Variants in HERC3 observed in about 807,000 individuals in gnomAD.
HERC3 encodes the protein probable E3 ubiquitin-protein ligase HERC3.
Under a neutral mutation model 129.9 loss-of-function variants are expected in HERC3, and 58 were observed. The ratio of observed to expected loss-of-function variants is 0.45; its 90% CI spans 0.36 to 0.56. The LOEUF (loss-of-function observed/expected upper bound fraction) is 0.56. Among genes scored for constraint, HERC3 ranks in the 20% least tolerant of loss-of-function variants. HERC3 has a pLI of 0.00. For missense variants in HERC3, 835 were observed against 1,244.2 expected, an observed-to-expected ratio of 0.67 and a Z score of 4.95; for synonymous variants, 430 against 451.0, an observed-to-expected ratio of 0.95 and a Z score of 0.59.
At chr4:88,600,134 T>C (rs1358168666) in intron 2 of HERC3, among the ~76,000 whole-genome samples, 1 of 152,180 alleles carries the variant, frequency 6.6e-6, no homozygotes, top group Non-Finnish European at 1.5e-5. Context: ...AATCAGGTCT[T>C]ATCTGCTGTT....
chr4:88,671,361 A>G (rs1433018282), intron 16 of HERC3, among the ~76,000 whole-genome samples: 1 of 152,194 alleles, frequency 6.6e-6, no homozygotes, highest in Non-Finnish European at 1.5e-5. Flanking sequence ...TCCAAAAGCA[A>G]GACATTTAAA....
chr4:88,628,727 T>C (rs1290751712), intron 3 of HERC3, among the ~76,000 whole-genome samples: 3 of 152,242 alleles, frequency 2.0e-5, no homozygotes, highest in African/African-American at 7.2e-5. Flanking sequence ...TCTATAGCGA[T>C]ATTGTTTGTA....
At chr4:88,612,395 T>C (rs115961694) in intron 3 of HERC3, among the ~76,000 whole-genome samples, 1 of 151,966 alleles carries the variant, frequency 6.6e-6, no homozygotes, top group African/African-American at 2.4e-5. Flanking sequence ...CCCAGATATT[T>C]TCCCAGTGTG....
chr4:88,581,454 T>C, the HERC3 span, among the ~76,000 whole-genome samples: 1 of 144,268 alleles, frequency 6.9e-6, no homozygotes, highest in East Asian at 2.0e-4. Context: ...CCCGCGACCA[T>C]GCCTGGCTAA....
chr4:88,607,533 G>T (rs1723799440), intron 3 of HERC3, among the ~76,000 whole-genome samples: 1 of 151,994 alleles, frequency 6.6e-6, no homozygotes, highest in East Asian at 1.9e-4. Flanking sequence ...GTGCCATCTT[G>T]AGTCACCGCA....
chr4:88,693,159 G>A (rs565643910), intron 23 of HERC3: 85 of 985,056 alleles, frequency 8.6e-5, no homozygotes, highest in Non-Finnish European at 1.0e-4. Context: ...TGAATATTTG[G>A]CTTGTTTGTA....
chr4:88,648,913 T>A (rs1007904153), intron 3 of HERC3, among the ~76,000 whole-genome samples: 10 of 152,090 alleles, frequency 6.6e-5, no homozygotes, highest in South Asian at 6.2e-4. Context: ...TTTTTTTTTT[T>A]AAATTTATGC....
At chr4:88,704,721 G>A (rs189424896) in intron 25 of HERC3, 111 bp downstream of exon 25, 2 of 684,922 alleles carry the variant, frequency 2.9e-6, no homozygotes, top group East Asian at 5.4e-5. Flanking sequence ...GTAAAGACCA[G>A]GTAATTCACT....
chr4:88,604,441 ACT>A (rs1723392785), intron 2 of HERC3, among the ~76,000 whole-genome samples: 1 of 152,054 alleles, frequency 6.6e-6, no homozygotes, highest in Non-Finnish European at 1.5e-5. Flanking sequence ...AGGTACAGTC[ACT>A]CTCCATTCTC....
At chr4:88,639,897 A>C (rs74604922) in intron 3 of HERC3, among the ~76,000 whole-genome samples, 5,992 of 152,056 alleles carry the variant, frequency 0.039, 342 homozygotes, top group East Asian at 0.26. Flanking sequence ...GAAAAAAAAA[A>C]CCCCTTCATA....
At chr4:88,685,508 A>G (rs1733328839) in intron 21 of HERC3, among the ~76,000 whole-genome samples, 1 of 152,194 alleles carries the variant, frequency 6.6e-6, no homozygotes, top group Admixed American at 6.5e-5. Flanking sequence ...CAGAAAACCA[A>G]ACACCGCATG....
chr4:88,588,149 A>G (rs185639665), upstream of HERC3, among the ~76,000 whole-genome samples: 1 of 152,378 alleles, frequency 6.6e-6, no homozygotes, highest in African/African-American at 2.4e-5. Flanking sequence ...GCTTGATAAG[A>G]AAAAAATGCA....
At chr4:88,672,784 C>T (rs1731751027) in intron 16 of HERC3, among the ~76,000 whole-genome samples, 1 of 152,152 alleles carries the variant, frequency 6.6e-6, no homozygotes, top group Non-Finnish European at 1.5e-5. Context: ...CATGGAAAGA[C>T]CTTGCTTAGC....
chr4:88,611,478 C>A (rs1335815790), intron 3 of HERC3, among the ~76,000 whole-genome samples: 1 of 152,066 alleles, frequency 6.6e-6, no homozygotes, highest in Non-Finnish European at 1.5e-5. Context: ...GATGGAAGGC[C>A]CCTTCCTTAA....
At chr4:88,524,532 G>A in the HERC3 span, among the ~76,000 whole-genome samples, 1 of 152,154 alleles carries the variant, frequency 6.6e-6, no homozygotes, top group Non-Finnish European at 1.5e-5. Flanking sequence ...GTAGTAGATG[G>A]GAACTTGGGC....
At chr4:88,574,215 G>A in the HERC3 span, among the ~76,000 whole-genome samples, 4 of 152,298 alleles carry the variant, frequency 2.6e-5, 1 homozygote, top group South Asian at 4.2e-4. Context: ...GGAGTGATAC[G>A]AAGAAGGGAC....
chr4:88,590,055 G>A (rs116278025), upstream of HERC3, among the ~76,000 whole-genome samples: 2,982 of 148,918 alleles, frequency 0.02, 92 homozygotes, highest in African/African-American at 0.069. Flanking sequence ...ATGATTTGAG[G>A]TCAGGAGTTC....
intron 25 of HERC3, 65 bp from the exon 26 acceptor site, chr4:88,706,687 A>G (rs1735810704): frequency 7.4e-7 from 1 of 1,354,234 alleles, no homozygotes; most frequent in Non-Finnish European, 1.0e-6. Flanking sequence ...TCCTGTTGCC[A>G]GAAGGATCTC....
the HERC3 span, among the ~76,000 whole-genome samples, chr4:88,561,839 G>C: frequency 6.6e-6 from 1 of 151,988 alleles, no homozygotes; most frequent in Non-Finnish European, 1.5e-5. Context: ...TAAATGACAG[G>C]ATCTCATTCT....
Sources: gnomAD v4.1 joint callset for allele counts (sites outside exome capture counted in the v4.1 genomes callset) on GRCh38, gnomAD v4.1.1 for gene constraint, MANE v1.5 for transcripts, NCBI Gene and HGNC (gene_info 2026-07-23, HGNC 2026-07-21) for gene names.